Variants in MLLT10 observed in about 807,000 individuals in gnomAD.
MLLT10 encodes protein AF-10.
In MLLT10, 30 loss-of-function variants were observed where a neutral mutation model predicts 129.1. The ratio of observed to expected loss-of-function variants is 0.23; its 90% CI spans 0.17 to 0.32. MLLT10 has a LOEUF of 0.32. Among genes scored for constraint, MLLT10 ranks in the 10% least tolerant of loss-of-function variants. The pLI is 1.00. For synonymous variants in MLLT10, 490 were observed against 446.4 expected, an observed-to-expected ratio of 1.10 and a Z score of -1.23; for missense variants, 1,119 against 1,268.3, an observed-to-expected ratio of 0.88 and a Z score of 1.79.
chr10:21,699,129 C>T (rs761191828), intron 13 of MLLT10, among the ~76,000 whole-genome samples: 1 of 152,194 alleles, frequency 6.6e-6, no homozygotes, highest in African/African-American at 2.4e-5. Flanking sequence ...CCCGCCTCGG[C>T]CTCCCAAAGT....
In MLLT10 at chr10:21,628,431, C is replaced by CTTTTT. The variant is rs774410121; in HGVS notation, c.699+11242_699+11246dup. 2.7e-4 allele frequency among the ~76,000 whole-genome samples: 31 copies of CTTTTT among 115,986 alleles called. 1 individual carries two copies. The highest frequency in any genetic ancestry group is 4.8e-4 in the African/African-American group (14 of 28,896). 76.1% of individuals were successfully genotyped at this position (115,986 alleles called of 152,430 possible). A position where few individuals can be genotyped will look rare whatever the true frequency, so the allele number is the denominator to read the frequency against. On this transcript the variant is annotated intron_variant, in intron 8 of 22. Transcript: ENST00000307729. ...AGACTAAAGCTGAAGGATGCTCTCT[C>CTTTTT]TTTTTTTTTTTTTTTTTTTTTTGAG...
intron 13 of MLLT10, among the ~76,000 whole-genome samples, chr10:21,687,156 G>A (rs529257797): frequency 1.3e-5 from 2 of 152,228 alleles, no homozygotes; most frequent in African/African-American, 4.8e-5. Context: ...TGTTGGAGGA[G>A]GTAATGTTAA....
intron 13 of MLLT10, among the ~76,000 whole-genome samples, chr10:21,689,546 A>AATATATATATATATATATATGTATAT (rs370885697): frequency 3.7e-5 from 4 of 108,334 alleles, no homozygotes; most frequent in African/African-American, 1.3e-4. Flanking sequence ...TGTGTAAAGT[A>AATATATATATATATATATATGTATAT]ATATATATAT....
chr10:21,574,690 T>C (rs1377134806), intron 3 of MLLT10, among the ~76,000 whole-genome samples: 2 of 152,146 alleles, frequency 1.3e-5, no homozygotes, highest in African/African-American at 4.8e-5. Context: ...TTCCTCCCCT[T>C]TTTAGACTAT....
chr10:21,722,769 G>A (rs575465908), intron 14 of MLLT10, among the ~76,000 whole-genome samples: 1 of 152,038 alleles, frequency 6.6e-6, no homozygotes, highest in Admixed American at 6.6e-5. Flanking sequence ...ACTCATCAAG[G>A]GTCCCAGTAT....
At chr10:21,661,270 A>C (rs898186953) in intron 9 of MLLT10, among the ~76,000 whole-genome samples, 3 of 152,206 alleles carry the variant, frequency 2.0e-5, no homozygotes, top group Admixed American at 2.0e-4. Flanking sequence ...AGAATGTGTC[A>C]TCTGCTGTTG....
chr10:21,650,053 CT>C (rs1272342790), intron 8 of MLLT10, among the ~76,000 whole-genome samples: 3 of 152,090 alleles, frequency 2.0e-5, no homozygotes, highest in Non-Finnish European at 4.4e-5. Context: ...AGTGAGACCC[CT>C]GTCTCTACAA....
chr10:21,722,863 C>A (rs1035663450), intron 14 of MLLT10, among the ~76,000 whole-genome samples: 6 of 152,096 alleles, frequency 3.9e-5, no homozygotes, highest in Non-Finnish European at 7.4e-5. Flanking sequence ...TCTTACCAAC[C>A]TTAAAATGAT....
At chr10:21,594,917 G>A (rs1453176311) in intron 4 of MLLT10, among the ~76,000 whole-genome samples, 1 of 151,796 alleles carries the variant, frequency 6.6e-6, no homozygotes, top group African/African-American at 2.4e-5. Context: ...TAAAAATATT[G>A]ACACTAAGAT....
At chr10:21,695,391 C>T (rs1025688431) in intron 13 of MLLT10, among the ~76,000 whole-genome samples, 4 of 152,160 alleles carry the variant, frequency 2.6e-5, no homozygotes, top group East Asian at 3.8e-4. Flanking sequence ...AGCCTTAATT[C>T]GGTCTGCATA....
intron 14 of MLLT10, among the ~76,000 whole-genome samples, chr10:21,717,746 CTCT>C (rs2056799918): frequency 8.0e-6 from 1 of 125,738 alleles, no homozygotes; most frequent in East Asian, 2.7e-4. Context: ...CTTCCTCCTC[CTCT>C]TCCTCCTCCT....
At chr10:21,673,318 C>CATTT in intron 10 of MLLT10, 32 bp from the exon 11 acceptor site, 3 of 307,338 alleles carry the variant, frequency 9.8e-6, no homozygotes, top group Non-Finnish European at 1.0e-5. Context: ...CACCCCCCAA[C>CATTT]TTTTTTTTTT....
At chr10:21,725,928 T>A (rs1564727619) in intron 14 of MLLT10, among the ~76,000 whole-genome samples, 2 of 151,758 alleles carry the variant, frequency 1.3e-5, no homozygotes, top group African/African-American at 4.8e-5. Context: ...TTTTTTGTAT[T>A]TTTAGTAGAG....
At position 21,640,075 on chromosome 10, in the gene MLLT10, G is replaced by A. The variant is rs2047836856; in HGVS notation, c.700-11598G>A. Among the ~76,000 whole-genome samples, 3 of 151,024 alleles carry A rather than the reference G, an allele frequency of 2.0e-5. 1 individual carries two copies. Among genetic ancestry groups the A allele is most frequent in the African/African-American group, 2.4e-5 (1 of 41,190 alleles). On this transcript the variant is annotated intron_variant, in intron 8 of 22. Transcript: ENST00000307729. ...GGCCAAATACTTTAACAAAAGATAC[G>A]CCTGTTTTTTTAGTTACTTAAAAAA...
intron 3 of MLLT10, among the ~76,000 whole-genome samples, chr10:21,546,120 C>T (rs1010448904): frequency 6.6e-6 from 1 of 152,210 alleles, no homozygotes; most frequent in Non-Finnish European, 1.5e-5. Flanking sequence ...CTCCATCGCC[C>T]AGGCTGGAGT....
At chr10:21,733,310 G>T (rs1011224861) in intron 18 of MLLT10, among the ~76,000 whole-genome samples, 194 bp from the exon 19 acceptor site, 4 of 151,942 alleles carry the variant, frequency 2.6e-5, no homozygotes, top group Non-Finnish European at 5.9e-5. Flanking sequence ...TAATGATCTC[G>T]TTATTGATTT....
chr10:21,635,582 T>C (rs2047379152), intron 8 of MLLT10, among the ~76,000 whole-genome samples: 1 of 152,092 alleles, frequency 6.6e-6, no homozygotes, highest in Admixed American at 6.6e-5. Flanking sequence ...GCCAGGCTGG[T>C]CTCAAACTCC....
chr10:21,623,644 T>C (rs2046128648), intron 8 of MLLT10, among the ~76,000 whole-genome samples: 1 of 152,254 alleles, frequency 6.6e-6, no homozygotes, highest in Admixed American at 6.5e-5. Flanking sequence ...TTGATTTGAC[T>C]AGTCAAAATC....
intron 3 of MLLT10, among the ~76,000 whole-genome samples, chr10:21,543,979 T>TA (rs2035661927): frequency 6.6e-6 from 1 of 152,202 alleles, no homozygotes; most frequent in South Asian, 2.1e-4. Context: ...TCTGCCGACT[T>TA]ACTGTGCTAC....
Sources: allele counts gnomAD v4.1 joint callset (sites outside exome capture counted in the v4.1 genomes callset), GRCh38; gene constraint gnomAD v4.1.1; transcripts MANE v1.5; gene names NCBI Gene and HGNC (gene_info 2026-07-23, HGNC 2026-07-21).